The following SIAE variants were observed in gnomAD, a reference collection of about 807,000 sequenced individuals.
SIAE encodes sialic acid acetylesterase, also known as sialate O-acetylesterase.
SIAE carries 39 observed loss-of-function variants against 52.6 expected under a neutral mutation model. The ratio of observed to expected loss-of-function variants is 0.74; its 90% confidence interval spans 0.57 to 0.97. The LOEUF (loss-of-function observed/expected upper bound fraction) is 0.97. SIAE is among the 50% of genes least tolerant of loss of function. The pLI is 0.00. For synonymous variants in SIAE, 233 were observed against 241.4 expected (o/e 0.97, Z 0.32); for missense variants, 592 against 662.1 (o/e 0.89, Z 1.16).
intron 7 of SIAE, among the ~76,000 whole-genome samples, chr11:124,643,890 C>T (rs1055518925): frequency 2.0e-5 from 3 of 152,106 alleles, no homozygotes; most frequent in Non-Finnish European, 4.4e-5. Context: ...TGTCTGACCC[C>T]ATCAGAGGAC....
upstream of SIAE, chr11:124,675,466 T>G (rs1292136608): frequency 2.5e-6 from 4 of 1,588,434 alleles, no homozygotes; most frequent in Non-Finnish European, 3.4e-6. Flanking sequence ...AACTAAGCAT[T>G]TGTTTATGGT....
intron 2 of SIAE, among the ~76,000 whole-genome samples, chr11:124,663,053 A>G (rs1943213173): frequency 6.6e-6 from 1 of 152,186 alleles, no homozygotes; most frequent in African/African-American, 2.4e-5. Flanking sequence ...CTGAGGCAGC[A>G]GAATCACTTG....
At chr11:124,656,120 C>A (rs1213703141) in intron 3 of SIAE, among the ~76,000 whole-genome samples, 1 of 152,064 alleles carries the variant, frequency 6.6e-6, no homozygotes, top group African/African-American at 2.4e-5. Flanking sequence ...CTCATTATGT[C>A]TATGCAAATA....
At chr11:124,643,648 T>G (rs1329381966) in intron 7 of SIAE, among the ~76,000 whole-genome samples, 1 of 152,202 alleles carries the variant, frequency 6.6e-6, no homozygotes, top group Non-Finnish European at 1.5e-5. Context: ...AAAAAATCTT[T>G]ACTATTACTA....
intron 9 of SIAE, among the ~76,000 whole-genome samples, chr11:124,637,419 T>C (rs769890942): frequency 6.6e-5 from 10 of 152,206 alleles, no homozygotes; most frequent in Non-Finnish European, 1.2e-4. Flanking sequence ...TAAATAATTT[T>C]AATAAATAAA....
At chr11:124,640,997 T>C (rs1942836131) in intron 7 of SIAE, among the ~76,000 whole-genome samples, 1 of 152,198 alleles carries the variant, frequency 6.6e-6, no homozygotes, top group Non-Finnish European at 1.5e-5. Flanking sequence ...AGACAAGAGC[T>C]ACCTATATAA....
intron 2 of SIAE, among the ~76,000 whole-genome samples, chr11:124,666,717 T>TA (rs1429065309): frequency 6.6e-6 from 1 of 152,242 alleles, no homozygotes; most frequent in Non-Finnish European, 1.5e-5. Flanking sequence ...ACTAAATGTG[T>TA]AAGGATGGAA....
chr11:124,643,720 T>C (rs950801206), intron 7 of SIAE, among the ~76,000 whole-genome samples: 2 of 152,202 alleles, frequency 1.3e-5, no homozygotes, highest in African/African-American at 4.8e-5. Flanking sequence ...CCCTGTCCTT[T>C]GATTTAGATA....
chr11:124,669,232 A>T (rs1943314646), intron 2 of SIAE, 128 bp downstream of exon 2: 1 of 1,232,234 alleles, frequency 8.1e-7, no homozygotes, highest in Non-Finnish European at 1.2e-6. Context: ...AATAACTTTT[A>T]TGGATGAATG....
upstream of SIAE, chr11:124,675,283 A>G: frequency 6.2e-7 from 1 of 1,613,752 alleles, no homozygotes; most frequent in Non-Finnish European, 8.5e-7. Flanking sequence ...TCCATTCTCC[A>G]ACACCCACTA....
chr11:124,667,803 A>G (rs1386890812), intron 2 of SIAE, among the ~76,000 whole-genome samples: 1 of 152,194 alleles, frequency 6.6e-6, no homozygotes, highest in African/African-American at 2.4e-5. Flanking sequence ...ACCGGCTTCT[A>G]TATCTTTATC....
At chr11:124,668,258 A>C (rs1048615968) in intron 2 of SIAE, among the ~76,000 whole-genome samples, 2 of 151,892 alleles carry the variant, frequency 1.3e-5, no homozygotes, top group African/African-American at 4.8e-5. Flanking sequence ...TGCCCTGCTC[A>C]CCTCTCAAGA....
At position 124,636,809 on chromosome 11, in the gene SIAE, A is replaced by T; in HGVS notation, c.*142T>A. The T allele has an allele frequency of 2.5e-6, 3 of 1,209,832 alleles. No individual in the cohort carries two copies. Among genetic ancestry groups the T allele is most frequent in the Non-Finnish European group, 3.6e-6 (3 of 828,596 alleles). 74.9% of individuals were successfully genotyped at this position (1,209,832 alleles called of 1,614,324 possible). A position where few individuals can be genotyped will look rare whatever the true frequency, so the allele number is the denominator to read the frequency against. ...TAAGCCTGGGCTCATCAGAATATAG[A>T]AACAGCCATGTGCTAGCTGAAAGCC... On this transcript the variant is annotated 3_prime_UTR_variant, in exon 10 of 10. Transcript: ENST00000263593.
rs1343568521 is a variant in SIAE, at chr11:124,673,699, G to C, written c.10C>G (p.Pro4Ala). ...AGCACCAGCCCGAGTACAAGCCCCG[G>C]CGCGACCATGCTTGCAAGGATCTGA... MVA[P>A]GLVLGLVLPL... The change falls in exon 1 of 10, where the codon CCG becomes GCG. Residue 4 changes from proline (P) to alanine (A), a missense_variant. By Grantham distance (27) the Pro-to-Ala change is conservative. Transcript: ENST00000263593. 6.2e-6 allele frequency: 10 copies of C among 1,613,470 alleles called. No homozygotes were observed. The highest frequency in any genetic ancestry group is 1.3e-5 in the African/African-American group (1 of 74,898).
At position 124,636,983 on chromosome 11, in the gene SIAE, C is replaced by A; in HGVS notation, c.1540G>T (p.Gly514Cys). 2 of 1,614,100 alleles carry A rather than the reference C, an allele frequency of 1.2e-6. No homozygotes were observed. Among genetic ancestry groups the A allele is most frequent in the Non-Finnish European group, 1.7e-6 (2 of 1,180,022 alleles). The change falls in exon 10 of 10, where the codon GGT (glycine) becomes TGT (cysteine). Residue 514 changes from glycine (G) to cysteine (C), a missense_variant. Transcript: ENST00000263593. ...GCAACATTGCTCTGATGTCCAGGACCCTGGTCTGTAATGAAAGCAATGAAG... is the reference window on the plus strand; with the variant it reads ...GCAACATTGCTCTGATGTCCAGGACACTGGTCTGTAATGAAAGCAATGAAG... Reference protein sequence around the residue: ...PPFIAFITDQGPGHQSNVAK With the variant: ...PPFIAFITDQCPGHQSNVAK
In SIAE at chr11:124,649,693, G is replaced by A. The variant is rs1216297752; in HGVS notation, c.648C>T (p.Ser216=). Residue 216 remains serine, a synonymous_variant, in exon 5 of 10, where the codon TCC becomes TCT. Coordinates refer to ENST00000263593, the MANE Select transcript of SIAE (RefSeq NM_170601.5). The part of the protein sequence containing the change: ...TLQYPIGLIA[S]SWGGTPIEAW... The stretch of plus-strand genomic sequence containing the variant: ...CTTCAATGGGTGTCCCGCCCCAGCT[G>A]GAGGCGATCAGCCCGATGGGATACT... 1.2e-6 allele frequency: 2 copies of A among 1,614,166 alleles called. No individual in the cohort carries two copies. The highest frequency in any genetic ancestry group is 2.2e-5 in the East Asian group (1 of 44,882).
At chr11:124,640,876 G>A (rs545144112) in intron 7 of SIAE, among the ~76,000 whole-genome samples, 2 of 152,170 alleles carry the variant, frequency 1.3e-5, no homozygotes, top group Non-Finnish European at 2.9e-5. Context: ...ACGTGCCTGG[G>A]CTAGCCTGCT....
At position 124,654,742 on chromosome 11, in the gene SIAE, G is replaced by A. The variant is rs775280243; in HGVS notation, c.457C>T (p.Arg153Cys). ...TGAATGGGAGAGACAGAGAGGATGC[G>A]GACAGACTGATATGCCGCAGTGTTA... Reference protein sequence around the residue: ...LSNTAAYQSVRILSVSPIQAE... With the variant: ...LSNTAAYQSVCILSVSPIQAE... Residue 153 changes from arginine to cysteine, a missense_variant, in exon 4 of 10, where the codon CGC (arginine) becomes TGC (cysteine). Coordinates refer to ENST00000263593, the MANE Select transcript of SIAE (RefSeq NM_170601.5). 42 of 1,613,910 alleles carry A rather than the reference G, an allele frequency of 2.6e-5. No homozygotes were observed. The highest frequency in any genetic ancestry group is 1.7e-4 in the Middle Eastern group (1 of 6,058).
At chr11:124,646,386 G>A (rs1942935202) in intron 7 of SIAE, among the ~76,000 whole-genome samples, 1 of 152,196 alleles carries the variant, frequency 6.6e-6, no homozygotes, top group Non-Finnish European at 1.5e-5. Context: ...AAAAGGGGAA[G>A]TAGAGAGAAA....
Sources: allele counts gnomAD v4.1 joint callset (sites outside exome capture counted in the v4.1 genomes callset), GRCh38; gene constraint gnomAD v4.1.1; transcripts MANE v1.5; gene names NCBI Gene and HGNC (gene_info 2026-07-23, HGNC 2026-07-21).